Variants in PDE4D observed in about 807,000 individuals in gnomAD.
The protein encoded by PDE4D is phosphodiesterase 4D, also known as 3',5'-cyclic-AMP phosphodiesterase 4D.
A neutral mutation model predicts 87.4 loss-of-function variants in PDE4D; 24 were observed. The observed-to-expected ratio is 0.27, with a 90% CI of 0.20 to 0.39. The LOEUF (loss-of-function observed/expected upper bound fraction) is 0.39, where lower values mean the gene tolerates loss of function less well. Ranked by LOEUF, PDE4D falls within the 10% of genes least tolerant of loss-of-function variation. PDE4D has a pLI of 1.00. For synonymous variants in PDE4D, 384 were observed against 383.2 expected (o/e 1.00, Z -0.02); for missense variants, 714 against 1,041.0 (o/e 0.69, Z 4.32).
chr5:59,173,214 A>T (rs1335534259), intron 5 of PDE4D, among the ~76,000 whole-genome samples: 1 of 152,164 alleles, frequency 6.6e-6, no homozygotes, highest in Non-Finnish European at 1.5e-5. Flanking sequence ...ATTTCCCCTC[A>T]TAATTAGGAC....
chr5:60,006,301 G>A (rs1002522329), intron 2 of PDE4D, among the ~76,000 whole-genome samples: 1 of 145,242 alleles, frequency 6.9e-6, no homozygotes, highest in African/African-American at 2.7e-5. Context: ...TTACTTTCGC[G>A]CCAACCAATT....
At chr5:60,203,095 C>A (rs1417302406) in intron 1 of PDE4D, among the ~76,000 whole-genome samples, 2 of 152,136 alleles carry the variant, frequency 1.3e-5, no homozygotes, top group African/African-American at 4.8e-5. Flanking sequence ...GCCTAGCCTG[C>A]TGAGTAGCTG....
rs916254395 is a variant in PDE4D at position 59,218,974 on chromosome 5, C to T, written c.456-3006G>A. 9.5e-5 allele frequency among the ~76,000 whole-genome samples: 13 copies of T among 136,888 alleles called. No individual in the cohort carries two copies. In the Admixed American group the frequency reaches 1.1e-3, roughly 11 times the overall value. 89.8% of individuals were successfully genotyped at this position (136,888 alleles called of 152,430 possible). ...AAACCAAACACCGCATATTCTCACT[C>T]ATAGGTGGGAATTGAACAATGAGAT... On this transcript the variant is annotated intron_variant, in intron 1 of 14. Coordinates refer to ENST00000340635, the MANE Select transcript of PDE4D (RefSeq NM_001104631.2).
intron 2 of PDE4D, among the ~76,000 whole-genome samples, chr5:60,133,969 A>G (rs1340829144): frequency 6.6e-6 from 1 of 152,174 alleles, no homozygotes; most frequent in Non-Finnish European, 1.5e-5. Context: ...AAACCACTGT[A>G]GTTTGTGACT....
intron 1 of PDE4D, among the ~76,000 whole-genome samples, chr5:59,775,381 TAA>T (rs1483826381): frequency 9.8e-5 from 15 of 152,296 alleles, no homozygotes; most frequent in African/African-American, 3.6e-4. Flanking sequence ...TAACTAGATG[TAA>T]GTGCAAAACA....
intron 2 of PDE4D, among the ~76,000 whole-genome samples, chr5:60,158,780 A>T: frequency 6.6e-6 from 1 of 152,142 alleles, no homozygotes; most frequent in Non-Finnish European, 1.5e-5. Context: ...CGTGCTAGCC[A>T]GAATGGTCTG....
At chr5:60,277,283 G>C (rs1415519767) in intron 1 of PDE4D, among the ~76,000 whole-genome samples, 1 of 147,678 alleles carries the variant, frequency 6.8e-6, no homozygotes, top group African/African-American at 2.7e-5. Flanking sequence ...AGCATCTAGA[G>C]AGGAAACAGA....
At chr5:59,480,544 G>C (rs1286938844) in intron 1 of PDE4D, among the ~76,000 whole-genome samples, 1 of 152,046 alleles carries the variant, frequency 6.6e-6, no homozygotes, top group Non-Finnish European at 1.5e-5. Flanking sequence ...CTTCATTCAC[G>C]ATGGGCACTG....
chr5:60,216,232 T>C (rs761393072), intron 1 of PDE4D, among the ~76,000 whole-genome samples: 3 of 152,100 alleles, frequency 2.0e-5, no homozygotes, highest in Admixed American at 6.6e-5. Context: ...GCATCTTGTA[T>C]TTCTATTTTG....
chr5:59,077,367 C>T (rs897746445), intron 5 of PDE4D, among the ~76,000 whole-genome samples: 1 of 151,876 alleles, frequency 6.6e-6, no homozygotes, highest in Admixed American at 6.6e-5. Flanking sequence ...ATATTTCACT[C>T]TTATTTCTCC....
chr5:59,298,700 G>C (rs1769586564), intron 1 of PDE4D, among the ~76,000 whole-genome samples: 1 of 152,194 alleles, frequency 6.6e-6, no homozygotes, highest in Non-Finnish European at 1.5e-5. Flanking sequence ...GATCTCAGAA[G>C]ATGATTACTC....
At chr5:59,900,287 C>CATAT (rs56218565) in intron 3 of PDE4D, among the ~76,000 whole-genome samples, 11 of 145,304 alleles carry the variant, frequency 7.6e-5, no homozygotes, top group African/African-American at 2.5e-4. Context: ...CACACACACA[C>CATAT]ATATATATAT....
At chr5:59,082,863 T>C (rs1219931856) in intron 5 of PDE4D, among the ~76,000 whole-genome samples, 2 of 152,148 alleles carry the variant, frequency 1.3e-5, no homozygotes, top group Admixed American at 6.5e-5. Context: ...TGGAACCTTC[T>C]GATGACTCTA....
At chr5:59,660,696 T>C (rs1327982268) in intron 1 of PDE4D, among the ~76,000 whole-genome samples, 1 of 152,180 alleles carries the variant, frequency 6.6e-6, no homozygotes, top group Non-Finnish European at 1.5e-5. Flanking sequence ...ACTAAAAGGC[T>C]ACTTTACAAT....
rs114804217 is a variant in PDE4D at position 60,436,019 on chromosome 5, T to C, written c.-90+51923A>G. Among the ~76,000 whole-genome samples, 277 of 152,236 alleles carry C rather than the reference T, an allele frequency of 1.8e-3. 1 individual carries two copies. The highest frequency in any genetic ancestry group is 6.4e-3 in the African/African-American group (268 of 41,556). ...AGGAACACAGCAGAAATGATTGCTA[T>C]GTAAACAAAAGTTCAGAGTAGATAA... On this transcript the variant is annotated intron_variant, in intron 1 of 16. Coordinates refer to the PDE4D transcript ENST00000502484.
At chr5:59,728,538 T>C (rs1014862089) in intron 1 of PDE4D, among the ~76,000 whole-genome samples, 2 of 152,090 alleles carry the variant, frequency 1.3e-5, no homozygotes, top group African/African-American at 2.4e-5. Context: ...TCTTTCTCCA[T>C]GTGGTAGCTC....
intron 5 of PDE4D, among the ~76,000 whole-genome samples, chr5:59,147,574 T>A (rs557788345): frequency 6.6e-6 from 1 of 152,312 alleles, no homozygotes; most frequent in Non-Finnish European, 1.5e-5. Context: ...TTCTATAAAC[T>A]CACCTTTACT....
At chr5:60,376,908 G>A (rs947170558) in intron 1 of PDE4D, among the ~76,000 whole-genome samples, 1 of 152,124 alleles carries the variant, frequency 6.6e-6, no homozygotes. Flanking sequence ...GTCTAAATTG[G>A]AACCCTTGAT....
chr5:59,541,270 T>C (rs1816296766), intron 1 of PDE4D, among the ~76,000 whole-genome samples: 1 of 152,226 alleles, frequency 6.6e-6, no homozygotes, highest in South Asian at 2.1e-4. Context: ...TTACAGGGAA[T>C]GTACAACCAA....
Sources: gnomAD v4.1 joint callset for allele counts (sites outside exome capture counted in the v4.1 genomes callset) on GRCh38, gnomAD v4.1.1 for gene constraint, MANE v1.5 for transcripts, NCBI Gene and HGNC (gene_info 2026-07-23, HGNC 2026-07-21) for gene names.